RSPO2: variants seen among roughly 807,000 people sequenced by gnomAD.
RSPO2 encodes R-spondin 2.
A neutral mutation model predicts 30.9 loss-of-function variants in RSPO2; 14 were observed. The observed-to-expected ratio is 0.45, with a 90% confidence interval of 0.30 to 0.71. RSPO2 has a LOEUF of 0.71. Ranked by LOEUF, RSPO2 falls within the 30% of genes least tolerant of loss-of-function variation. RSPO2 has a pLI of 0.08. For synonymous variants in RSPO2, 107 were observed against 96.4 expected, an observed-to-expected ratio of 1.11 and a Z score of -0.64; for missense variants, 264 against 301.9, an observed-to-expected ratio of 0.87 and a Z score of 0.93.
At chr8:107,917,889 C>A (rs1485317242) in intron 5 of RSPO2, among the ~76,000 whole-genome samples, 1 of 152,116 alleles carries the variant, frequency 6.6e-6, no homozygotes, top group Non-Finnish European at 1.5e-5. Flanking sequence ...GCTGTTTTGT[C>A]CTCCACAGAC....
At chr8:108,060,858 G>C (rs939788197) in intron 2 of RSPO2, among the ~76,000 whole-genome samples, 4 of 151,670 alleles carry the variant, frequency 2.6e-5, no homozygotes, top group Non-Finnish European at 5.9e-5. Flanking sequence ...CTACAAGCCA[G>C]AAGACAGTGG....
At chr8:108,000,834 T>C (rs1815218909) in intron 2 of RSPO2, among the ~76,000 whole-genome samples, 1 of 152,010 alleles carries the variant, frequency 6.6e-6, no homozygotes. Flanking sequence ...ACCCTGTCTC[T>C]ACTAAAAATA....
intron 2 of RSPO2, among the ~76,000 whole-genome samples, chr8:108,023,603 G>A (rs1811117680): frequency 1.3e-5 from 2 of 152,086 alleles, no homozygotes; most frequent in Admixed American, 1.3e-4. Context: ...CAGAAAAGTG[G>A]GGTTACTGAC....
intron 4 of RSPO2, among the ~76,000 whole-genome samples, 200 bp from the exon 5 acceptor site, chr8:107,958,468 CA>C (rs959789145): frequency 1.3e-5 from 2 of 151,750 alleles, no homozygotes; most frequent in East Asian, 3.9e-4. Flanking sequence ...ATATTTCTAT[CA>C]AAAAAAAGCT....
chr8:107,945,318 G>A (rs1256454542), intron 5 of RSPO2, among the ~76,000 whole-genome samples: 4 of 128,906 alleles, frequency 3.1e-5, no homozygotes, highest in Admixed American at 1.0e-4. Flanking sequence ...GCGCGATCTC[G>A]GCTCACTACA....
At chr8:107,963,889 C>A (rs900805019) in intron 3 of RSPO2, among the ~76,000 whole-genome samples, 1 of 151,958 alleles carries the variant, frequency 6.6e-6, no homozygotes, top group Non-Finnish European at 1.5e-5. Flanking sequence ...TGAATTATAC[C>A]CCTGATTTAA....
intron 5 of RSPO2, among the ~76,000 whole-genome samples, chr8:107,935,440 G>A (rs954378813): frequency 6.6e-6 from 1 of 151,996 alleles, no homozygotes; most frequent in Admixed American, 6.6e-5. Flanking sequence ...TGGGAGGATT[G>A]TCAGGTATTG....
chr8:108,003,178 A>G (rs1815305490), intron 2 of RSPO2, among the ~76,000 whole-genome samples: 2 of 147,318 alleles, frequency 1.4e-5, no homozygotes, highest in Admixed American at 1.4e-4. Context: ...CAGCCTCCCA[A>G]GTAGCTGGGA....
intron 5 of RSPO2, among the ~76,000 whole-genome samples, chr8:107,931,597 C>G (rs182344174): frequency 1.3e-3 from 191 of 152,160 alleles, no homozygotes; most frequent in Non-Finnish European, 2.2e-3. Flanking sequence ...AAACTAGTAA[C>G]AAGTAACATG....
At chr8:107,943,845 G>A (rs931295080) in intron 5 of RSPO2, among the ~76,000 whole-genome samples, 1 of 152,140 alleles carries the variant, frequency 6.6e-6, no homozygotes, top group Non-Finnish European at 1.5e-5. Flanking sequence ...ATACTACAAG[G>A]AATCTGTGCA....
intron 3 of RSPO2, among the ~76,000 whole-genome samples, chr8:107,984,896 T>C (rs1356306706): frequency 6.6e-6 from 1 of 152,198 alleles, no homozygotes; most frequent in Non-Finnish European, 1.5e-5. Flanking sequence ...ACATTCTTTC[T>C]TGACATCAGT....
chr8:108,068,990 C>A (rs889193559), intron 2 of RSPO2, among the ~76,000 whole-genome samples: 1 of 152,212 alleles, frequency 6.6e-6, no homozygotes. Flanking sequence ...GCTGCCAATG[C>A]ATTTCTTAAA....
chr8:108,063,466 A>G (rs983116590), intron 2 of RSPO2, among the ~76,000 whole-genome samples: 1 of 151,840 alleles, frequency 6.6e-6, no homozygotes, highest in African/African-American at 2.4e-5. Flanking sequence ...TAGGAATCCA[A>G]CTTACAAGGG....
chr8:108,075,251 C>T (rs577815711), intron 2 of RSPO2, among the ~76,000 whole-genome samples: 3 of 152,192 alleles, frequency 2.0e-5, no homozygotes, highest in South Asian at 2.1e-4. Flanking sequence ...GAGGCCAAGG[C>T]GGGAGGATCA....
At chr8:108,073,601 T>A (rs144702153) in intron 2 of RSPO2, among the ~76,000 whole-genome samples, 117 of 152,344 alleles carry the variant, frequency 7.7e-4, no homozygotes, top group African/African-American at 2.7e-3. Context: ...ACAACAGCTA[T>A]TTCTAAAACT....
intron 2 of RSPO2, among the ~76,000 whole-genome samples, chr8:108,002,593 T>G (rs1815287825): frequency 6.6e-6 from 1 of 152,176 alleles, no homozygotes; most frequent in Non-Finnish European, 1.5e-5. Flanking sequence ...ATCACCTGCT[T>G]CCTAGAATAG....
At position 107,922,117 on chromosome 8, in the gene RSPO2, AAAG is replaced by A. The variant is rs553269572; in HGVS notation, c.617-20930_617-20928del. On this transcript the variant is annotated intron_variant, in intron 5 of 5. Transcript: ENST00000276659. ...CCTGGCCAGAACAACCAGGCAAACA[AAAG>A]AAGTACAGGGCATCCAAATAAAAAC... Among the ~76,000 whole-genome samples, 517 of 152,280 alleles carry A rather than the reference AAAG, an allele frequency of 3.4e-3. 2 individuals carry two copies. The highest frequency in any genetic ancestry group is 0.012 in the African/African-American group (488 of 41,562).
chr8:107,947,306 C>T (rs1459972371), intron 5 of RSPO2, among the ~76,000 whole-genome samples: 2 of 152,144 alleles, frequency 1.3e-5, no homozygotes, highest in Non-Finnish European at 1.5e-5. Context: ...ATAAGGTTAA[C>T]ATGGCAAGCT....
rs539512370 is a variant in RSPO2 at position 108,013,460 on chromosome 8, A to G, written c.95-24216T>C. On this transcript the variant is annotated intron_variant, in intron 2 of 5. Coordinates refer to ENST00000276659, the MANE Select transcript of RSPO2 (RefSeq NM_178565.5). Reference sequence around the variant, plus strand: ...AGCCTGCTGCATACTCTTTCAAAGTAGTAAACTGACTTAAGACTACACTAA... The same window carrying G: ...AGCCTGCTGCATACTCTTTCAAAGTGGTAAACTGACTTAAGACTACACTAA... 3.9e-5 allele frequency among the ~76,000 whole-genome samples: 6 copies of G among 152,288 alleles called. No homozygotes were observed. The South Asian group carries it at 1.2e-3, about 32-fold the overall frequency.
Sources: allele counts gnomAD v4.1 joint callset (sites outside exome capture counted in the v4.1 genomes callset), GRCh38; gene constraint gnomAD v4.1.1; transcripts MANE v1.5; gene names NCBI Gene and HGNC (gene_info 2026-07-23, HGNC 2026-07-21).